The following TMEM132C variants were observed in gnomAD, a reference collection of about 807,000 sequenced individuals.
The protein encoded by TMEM132C is protein phosphatase 1, regulatory subunit 152.
TMEM132C carries 29 observed loss-of-function variants against 61.4 expected under a neutral mutation model. The observed-to-expected ratio is 0.47, with a 90% CI of 0.35 to 0.64. The LOEUF (loss-of-function observed/expected upper bound fraction) is 0.64. Ranked by LOEUF, TMEM132C falls within the 30% of genes least tolerant of loss-of-function variation. TMEM132C has a pLI of 0.00. For missense variants in TMEM132C, 1,408 were observed against 1,476.9 expected (o/e 0.95, Z 0.76); for synonymous variants, 656 against 633.1 (o/e 1.04, Z -0.54).
At chr12:128,341,077 A>G (rs1872964912) in intron 1 of TMEM132C, among the ~76,000 whole-genome samples, 1 of 151,884 alleles carries the variant, frequency 6.6e-6, no homozygotes, top group Admixed American at 6.6e-5. Flanking sequence ...AGTAGCTGGG[A>G]TTACAGGTAC....
rs560742157 is a variant in TMEM132C at position 128,674,006 on chromosome 12, T to C, written c.1449+4446T>C. Among the ~76,000 whole-genome samples the C allele has an allele frequency of 2.0e-5, 3 of 152,338 alleles. No individual in the cohort carries two copies. The East Asian group carries it at 5.8e-4, about 29-fold the overall frequency. The stretch of plus-strand genomic sequence containing the variant: ...CAGTGTTGCTTAAAAATGTAAGAAT[T>C]GGATGCAACTCACTTCAAATGTACA... On this transcript the variant is annotated intron_variant, in intron 5 of 8. Transcript: ENST00000435159.
intron 1 of TMEM132C, among the ~76,000 whole-genome samples, chr12:128,369,902 A>G (rs913848186): frequency 6.6e-6 from 1 of 152,226 alleles, no homozygotes; most frequent in Admixed American, 6.5e-5. Context: ...TATATGCATC[A>G]TGATATATCT....
chr12:128,472,523 C>T (rs1870986470), intron 2 of TMEM132C, among the ~76,000 whole-genome samples: 1 of 152,234 alleles, frequency 6.6e-6, no homozygotes, highest in Non-Finnish European at 1.5e-5. Flanking sequence ...TTCCAGGGAA[C>T]ATGTGTGCAC....
intron 2 of TMEM132C, among the ~76,000 whole-genome samples, chr12:128,453,489 C>A (rs1870244039): frequency 6.6e-6 from 1 of 152,068 alleles, no homozygotes; most frequent in Non-Finnish European, 1.5e-5. Context: ...GCACGGTGTT[C>A]CAGGAGAACA....
intron 2 of TMEM132C, among the ~76,000 whole-genome samples, chr12:128,490,202 T>C (rs1445700023): frequency 6.6e-6 from 1 of 152,196 alleles, no homozygotes; most frequent in Non-Finnish European, 1.5e-5. Context: ...TGAAAGAGAC[T>C]GGGTTTTGAG....
intron 2 of TMEM132C, among the ~76,000 whole-genome samples, chr12:128,466,100 G>T (rs1156771321): frequency 6.6e-6 from 1 of 152,182 alleles, no homozygotes; most frequent in Non-Finnish European, 1.5e-5. Context: ...GAACAGGGTG[G>T]GGAGGTGGAA....
intron 1 of TMEM132C, among the ~76,000 whole-genome samples, chr12:128,277,958 C>G (rs1870748781): frequency 6.6e-6 from 1 of 152,104 alleles, no homozygotes; most frequent in African/African-American, 2.4e-5. Flanking sequence ...TCCAACATCC[C>G]TCCAATAAGA....
chr12:128,529,911 A>T (rs1873224681), intron 2 of TMEM132C, among the ~76,000 whole-genome samples: 1 of 152,228 alleles, frequency 6.6e-6, no homozygotes, highest in African/African-American at 2.4e-5. Flanking sequence ...GGAAATGTTT[A>T]TATTAGAAAA....
At chr12:128,456,597 G>A (rs936526704) in intron 2 of TMEM132C, among the ~76,000 whole-genome samples, 2 of 151,028 alleles carry the variant, frequency 1.3e-5, no homozygotes, top group African/African-American at 4.9e-5. Flanking sequence ...TGGTAGAGAT[G>A]GGATTTCACA....
intron 3 of TMEM132C, among the ~76,000 whole-genome samples, chr12:128,603,085 C>T (rs527806105): frequency 6.6e-6 from 1 of 152,208 alleles, no homozygotes; most frequent in Non-Finnish European, 1.5e-5. Context: ...CAGGCTTCTC[C>T]CCTCTCCACA....
intron 1 of TMEM132C, among the ~76,000 whole-genome samples, chr12:128,367,742 T>TAA (rs78658428): frequency 6.2e-5 from 9 of 146,188 alleles, no homozygotes; most frequent in East Asian, 2.0e-4. Context: ...TGAAAAAAAG[T>TAA]AAAAAAAAAA....
intron 2 of TMEM132C, among the ~76,000 whole-genome samples, chr12:128,477,706 A>G (rs2136087888): frequency 6.6e-6 from 1 of 152,200 alleles, no homozygotes; most frequent in South Asian, 2.1e-4. Context: ...CAGCCTCCTG[A>G]GTAGCTGGGA....
chr12:128,574,785 T>C (rs896864552), intron 3 of TMEM132C, among the ~76,000 whole-genome samples: 4 of 152,186 alleles, frequency 2.6e-5, no homozygotes, highest in Non-Finnish European at 5.9e-5. Context: ...GCCTGGTGCT[T>C]TGAGTTTCTT....
intron 1 of TMEM132C, among the ~76,000 whole-genome samples, chr12:128,380,199 A>G (rs141633453): frequency 3.3e-5 from 5 of 152,380 alleles, no homozygotes; most frequent in African/African-American, 7.2e-5. Context: ...TGGTTTGTCT[A>G]TTCTGTCTAT....
chr12:128,507,249 A>G (rs1872394751), intron 2 of TMEM132C, among the ~76,000 whole-genome samples: 1 of 151,932 alleles, frequency 6.6e-6, no homozygotes, highest in Admixed American at 6.6e-5. Flanking sequence ...TGCATACTTC[A>G]CCTGGAGACC....
chr12:128,522,434 C>T lies in TMEM132C; in HGVS notation c.975-21523C>T, dbSNP rs188855745. Among the ~76,000 whole-genome samples, 71 of 152,340 alleles carry T rather than the reference C, an allele frequency of 4.7e-4. No individual in the cohort carries two copies. The East Asian group carries it at 0.011, about 23-fold the overall frequency. ...TCTCTGCAGTTGTCCCTAGACTGTA[C>T]ATTTTCTATCAGTCTCTTCTTGGCA... is the stretch of plus-strand genomic sequence containing the variant. On this transcript the variant is annotated intron_variant, in intron 2 of 8. Coordinates refer to ENST00000435159, the MANE Select transcript of TMEM132C (RefSeq NM_001136103.3).
intron 2 of TMEM132C, among the ~76,000 whole-genome samples, chr12:128,472,861 C>G (rs935795572): frequency 5.9e-5 from 9 of 152,148 alleles, no homozygotes; most frequent in Non-Finnish European, 1.3e-4. Flanking sequence ...TTCACATGAC[C>G]AGGAGCCCAC....
At chr12:128,614,838 T>C (rs1876746658) in intron 3 of TMEM132C, among the ~76,000 whole-genome samples, 2 of 152,160 alleles carry the variant, frequency 1.3e-5, no homozygotes, top group South Asian at 4.1e-4. Context: ...TTGAATGTAT[T>C]TACTACACAG....
chr12:128,333,642 G>T (rs1872720632), intron 1 of TMEM132C, among the ~76,000 whole-genome samples: 1 of 151,272 alleles, frequency 6.6e-6, no homozygotes, highest in South Asian at 2.1e-4. Context: ...TGTATGTGTT[G>T]TATGTGTGAG....
Sources: gnomAD v4.1 joint callset for allele counts (sites outside exome capture counted in the v4.1 genomes callset) on GRCh38, gnomAD v4.1.1 for gene constraint, MANE v1.5 for transcripts, NCBI Gene and HGNC (gene_info 2026-07-23, HGNC 2026-07-21) for gene names.